The following NAALADL2 variants were observed in gnomAD, a reference collection of about 807,000 sequenced individuals.
The protein encoded by NAALADL2 is N-acetylated alpha-linked acidic dipeptidase like 2, also known as inactive N-acetylated-alpha-linked acidic dipeptidase-like protein 2.
In NAALADL2, 76 loss-of-function variants were observed where a neutral mutation model predicts 87.2. The observed-to-expected ratio is 0.87, with a 90% CI of 0.72 to 1.05. NAALADL2 has a LOEUF of 1.05. Ranked by LOEUF, NAALADL2 falls within the 50% of genes least tolerant of loss-of-function variation. NAALADL2 has a pLI of 0.00. For missense variants in NAALADL2, 1,089 were observed against 945.8 expected (o/e 1.15, Z -1.99); for synonymous variants, 354 against 331.0 (o/e 1.07, Z -0.75).
chr3:174,733,224 A>T (rs986936963), intron 2 of NAALADL2, among the ~76,000 whole-genome samples: 1 of 152,200 alleles, frequency 6.6e-6, no homozygotes, highest in African/African-American at 2.4e-5. Context: ...GGTAACGCTT[A>T]AAAGGTCCAC....
chr3:174,827,264 G>A (rs1242831139), intron 3 of NAALADL2, among the ~76,000 whole-genome samples: 1 of 152,148 alleles, frequency 6.6e-6, no homozygotes, highest in Non-Finnish European at 1.5e-5. Context: ...CACAAACATG[G>A]TGGCTTAAAG....
intron 3 of NAALADL2, among the ~76,000 whole-genome samples, chr3:174,755,840 A>G (rs1357699775): frequency 6.6e-6 from 1 of 152,228 alleles, no homozygotes; most frequent in Non-Finnish European, 1.5e-5. Flanking sequence ...TTATCTTTTA[A>G]TGTCTATGAT....
chr3:174,894,416 C>A (rs1184340407), intron 1 of NAALADL2, among the ~76,000 whole-genome samples: 2 of 151,384 alleles, frequency 1.3e-5, no homozygotes, highest in Non-Finnish European at 2.9e-5. Flanking sequence ...CATGGAGAAA[C>A]CCCATCTCTG....
chr3:175,076,499 G>A (rs1716634300), intron 1 of NAALADL2, among the ~76,000 whole-genome samples: 1 of 151,930 alleles, frequency 6.6e-6, no homozygotes, highest in African/African-American at 2.4e-5. Context: ...AAACACAGAA[G>A]GCATCAAAGA....
intron 2 of NAALADL2, among the ~76,000 whole-genome samples, chr3:175,204,638 T>C (rs989552693): frequency 1.3e-5 from 2 of 152,086 alleles, no homozygotes; most frequent in African/African-American, 4.8e-5. Context: ...CAAATCAGTA[T>C]AGAGGAAGTC....
At chr3:174,606,075 T>G (rs1475460936) in intron 2 of NAALADL2, among the ~76,000 whole-genome samples, 1 of 152,210 alleles carries the variant, frequency 6.6e-6, no homozygotes, top group African/African-American at 2.4e-5. Context: ...GGAGTGGACC[T>G]CTAGCAAACT....
intron 1 of NAALADL2, among the ~76,000 whole-genome samples, chr3:174,461,015 G>A (rs1716184226): frequency 6.6e-6 from 1 of 152,008 alleles, no homozygotes; most frequent in Non-Finnish European, 1.5e-5. Context: ...TGGATGCTCT[G>A]CAATTATGCA....
chr3:175,319,723 G>C (rs1759598624), intron 4 of NAALADL2, among the ~76,000 whole-genome samples: 1 of 152,198 alleles, frequency 6.6e-6, no homozygotes, highest in Non-Finnish European at 1.5e-5. Context: ...GGGAGACTGA[G>C]GCAGGAGAAT....
intron 1 of NAALADL2, among the ~76,000 whole-genome samples, chr3:174,479,687 G>A (rs1345759106): frequency 6.6e-6 from 1 of 152,082 alleles, no homozygotes; most frequent in Non-Finnish European, 1.5e-5. Context: ...AAGCTAGCTG[G>A]TTCCTTTCTT....
At chr3:174,583,779 A>G (rs2108566521) in intron 2 of NAALADL2, among the ~76,000 whole-genome samples, 1 of 152,306 alleles carries the variant, frequency 6.6e-6, no homozygotes, top group South Asian at 2.1e-4. Flanking sequence ...ATTTCATTTC[A>G]AAGGTTGAAA....
At chr3:174,954,131 G>A (rs73047082) in intron 1 of NAALADL2, among the ~76,000 whole-genome samples, 4,218 of 152,006 alleles carry the variant, frequency 0.028, 160 homozygotes, top group African/African-American at 0.087. Flanking sequence ...CCACTGAAGG[G>A]GATCAAGCCC....
Position 175,234,068 on chromosome 3 carries a change from C to T in NAALADL2, c.683C>T (p.Pro228Leu). The change falls in exon 3 of 14, where the codon CCC becomes CTC. Residue 228 changes from proline (P) to leucine (L), a missense_variant. Coordinates refer to ENST00000454872, the MANE Select transcript of NAALADL2 (RefSeq NM_207015.3). Reference sequence around the variant, plus strand: ...CTGCTTGATCTGCCAGGCCCTTCTCCCAGCACTGTGACTCTGAGCAGCAGT... The same window carrying T: ...CTGCTTGATCTGCCAGGCCCTTCTCTCAGCACTGTGACTCTGAGCAGCAGT... ...SVLLDLPGPS[P>L]STVTLSSSGQ... 1 of 1,613,884 alleles carries T rather than the reference C, an allele frequency of 6.2e-7. No individual in the cohort carries two copies. Among genetic ancestry groups the T allele is most frequent in the Non-Finnish European group, 8.5e-7 (1 of 1,179,838 alleles).
chr3:174,786,834 A>G (rs900731253), intron 3 of NAALADL2, among the ~76,000 whole-genome samples: 3 of 152,102 alleles, frequency 2.0e-5, no homozygotes, highest in Admixed American at 6.6e-5. Context: ...CCCTTCTTCT[A>G]CCTCTAAGAT....
chr3:174,865,095 CTTT>C lies in NAALADL2; in HGVS notation c.43+5646_43+5648del, dbSNP rs536082641. ...GCATAGTCGAACACTTCGGGAGGCT[CTTT>C]CATAAATGCTTTCTGTAATTTATAT... is the stretch of plus-strand genomic sequence containing the variant. On this transcript the variant is annotated intron_variant, in intron 1 of 13. Coordinates refer to ENST00000454872, the MANE Select transcript of NAALADL2 (RefSeq NM_207015.3). Among the ~76,000 whole-genome samples the C allele has an allele frequency of 1.2e-3, 184 of 152,026 alleles. 1 individual carries two copies. The highest frequency in any genetic ancestry group is 4.0e-3 in the African/African-American group (166 of 41,490).
At chr3:174,470,027 A>T (rs974151907) in intron 1 of NAALADL2, among the ~76,000 whole-genome samples, 2 of 152,150 alleles carry the variant, frequency 1.3e-5, no homozygotes, top group Admixed American at 6.6e-5. Context: ...GAAAAATTAA[A>T]TTTTTTAAAA....
chr3:175,614,057 CTT>C (rs1725016022), intron 10 of NAALADL2, among the ~76,000 whole-genome samples: 2 of 152,018 alleles, frequency 1.3e-5, no homozygotes, highest in South Asian at 4.1e-4. Context: ...GAATCTGTCT[CTT>C]TTCTTTTTCC....
intron 1 of NAALADL2, among the ~76,000 whole-genome samples, chr3:174,886,555 T>A (rs111994393): frequency 7.2e-5 from 11 of 152,328 alleles, no homozygotes; most frequent in African/African-American, 2.6e-4. Flanking sequence ...TTTTAAATAT[T>A]TGATAATGAC....
intron 2 of NAALADL2, among the ~76,000 whole-genome samples, chr3:175,129,570 T>C (rs1727489342): frequency 6.6e-6 from 1 of 152,218 alleles, no homozygotes; most frequent in African/African-American, 2.4e-5. Context: ...CTGTCTGTGT[T>C]TGAGTTATTT....
At position 175,105,118 on chromosome 3, in the gene NAALADL2, G is replaced by C. The variant is rs77308676; in HGVS notation, c.545+7827G>C. Among the ~76,000 whole-genome samples, 351 of 152,236 alleles carry C rather than the reference G, an allele frequency of 2.3e-3. 15 individuals carry two copies. In the East Asian group the frequency reaches 0.061, roughly 26 times the overall value. The stretch of plus-strand genomic sequence containing the variant: ...GTTAAAATACTGTAAAATACTGTTT[G>C]AGATCTGGCTCAGGTGCCCACTCCT... On this transcript the variant is annotated intron_variant, in intron 2 of 13. Transcript: ENST00000454872.
Sources: gnomAD v4.1 joint callset for allele counts (sites outside exome capture counted in the v4.1 genomes callset) on GRCh38, gnomAD v4.1.1 for gene constraint, MANE v1.5 for transcripts, NCBI Gene and HGNC (gene_info 2026-07-23, HGNC 2026-07-21) for gene names.